TRPV5: variants seen among roughly 807,000 people sequenced by gnomAD.
The protein encoded by TRPV5 is transient receptor potential cation channel subfamily V member 5.
In TRPV5, 66 loss-of-function variants were observed where a neutral mutation model predicts 74.1. That is an observed-to-expected ratio of 0.89 (90% confidence interval 0.73 to 1.09). The LOEUF (loss-of-function observed/expected upper bound fraction) is 1.09. Ranked by LOEUF, TRPV5 falls within the 50% of genes least tolerant of loss-of-function variation. The pLI is 0.00. For synonymous variants in TRPV5, 399 were observed against 360.7 expected, an observed-to-expected ratio of 1.11 and a Z score of -1.20; for missense variants, 936 against 930.4, an observed-to-expected ratio of 1.01 and a Z score of -0.08.
At chr7:142,911,630 C>T (rs952136736) in intron 13 of TRPV5, among the ~76,000 whole-genome samples, 5 of 152,156 alleles carry the variant, frequency 3.3e-5, no homozygotes, top group African/African-American at 1.2e-4. Flanking sequence ...TCACTTCATG[C>T]CCGTCTTTCC....
intron 7 of TRPV5, among the ~76,000 whole-genome samples, 159 bp downstream of exon 7, chr7:142,927,929 T>C (rs904801027): frequency 1.3e-5 from 2 of 148,488 alleles, no homozygotes; most frequent in South Asian, 4.3e-4. Context: ...GAGAGGAGTG[T>C]GCATTGGACT....
At chr7:142,924,630 T>C (rs1335832203) in intron 8 of TRPV5, among the ~76,000 whole-genome samples, 1 of 152,016 alleles carries the variant, frequency 6.6e-6, no homozygotes, top group Non-Finnish European at 1.5e-5. Context: ...TGCTCTCTCC[T>C]GCATTGAGAT....
chr7:142,931,710 TA>T (rs1168232489), intron 1 of TRPV5, among the ~76,000 whole-genome samples: 4 of 152,192 alleles, frequency 2.6e-5, no homozygotes, highest in Non-Finnish European at 5.9e-5. Flanking sequence ...TTTATTTATT[TA>T]TTTTTTTTGA....
At chr7:142,908,906 G>T in intron 14 of TRPV5, 98 bp from the exon 15 acceptor site, 1 of 1,232,834 alleles carries the variant, frequency 8.1e-7, no homozygotes, top group Non-Finnish European at 1.1e-6. Flanking sequence ...CAAGAGGGAA[G>T]CAGAAATAAG....
intron 14 of TRPV5, 130 bp downstream of exon 14, chr7:142,909,360 T>C (rs1370897070): frequency 1.1e-6 from 1 of 901,672 alleles, no homozygotes; most frequent in Non-Finnish European, 1.7e-6. Flanking sequence ...GCATTCTTCG[T>C]ACCCCTCCAC....
In TRPV5 at chr7:142,926,648, G is replaced by C. The variant is rs565006640; in HGVS notation, c.910-907C>G. ...CTGAAGGTAGTGAAGGATGTGAAAG[G>C]GGGCTAGAAAGGAAGATTTATGGAG... On this transcript the variant is annotated intron_variant, in intron 7 of 14. Transcript: ENST00000265310. Among the ~76,000 whole-genome samples, 255 of 152,220 alleles carry C rather than the reference G, an allele frequency of 1.7e-3. 2 individuals are homozygous for C. The highest frequency in any genetic ancestry group is 5.7e-3 in the African/African-American group (237 of 41,514).
chr7:142,929,925 A>C, intron 3 of TRPV5, 133 bp downstream of exon 3: 3 of 1,407,426 alleles, frequency 2.1e-6, no homozygotes, highest in Non-Finnish European at 2.9e-6. Context: ...CATTTCTCCC[A>C]ACTCAACGGA....
At chr7:142,929,945 C>G in intron 3 of TRPV5, 113 bp downstream of exon 3, 1 of 1,530,084 alleles carries the variant, frequency 6.5e-7, no homozygotes, top group Non-Finnish European at 8.9e-7. Context: ...AGCCCATCCT[C>G]CTGACCCTCC....
chr7:142,912,814 T>C, intron 12 of TRPV5, 64 bp from the exon 13 acceptor site: 1 of 1,542,636 alleles, frequency 6.5e-7, no homozygotes, highest in Non-Finnish European at 8.8e-7. Flanking sequence ...AGCATGGACA[T>C]GGTTAGCACT....
Position 142,933,730 on chromosome 7 carries a change from G to A in TRPV5, c.-271C>T, listed in dbSNP as rs4252368. ...TTGTGAGGTGGTGTGTGTGCATGCAGGTGCGCTGAGGGGACTGACCGCCCT... is the reference window on the plus strand; with the variant it reads ...TTGTGAGGTGGTGTGTGTGCATGCAAGTGCGCTGAGGGGACTGACCGCCCT... On this transcript the variant is annotated 5_prime_UTR_variant, in exon 1 of 15. Coordinates refer to ENST00000265310, the MANE Select transcript of TRPV5 (RefSeq NM_019841.7). 2,273 of 424,338 alleles carry A rather than the reference G, an allele frequency of 5.4e-3. 49 individuals carry two copies. Among genetic ancestry groups the A allele is most frequent in the African/African-American group, 0.042 (2,060 of 48,704 alleles). 26.3% of individuals were successfully genotyped at this position (424,338 alleles called of 1,614,324 possible).
At chr7:142,930,282 C>G (rs1037906484) in intron 2 of TRPV5, 67 bp downstream of exon 2, 63 of 1,610,312 alleles carry the variant, frequency 3.9e-5, no homozygotes, top group Non-Finnish European at 5.3e-5. Context: ...TTCACAAACT[C>G]GAAGTCTTGG....
At position 142,909,572 on chromosome 7, in the gene TRPV5, C is replaced by T. The variant is rs1366214759; in HGVS notation, c.1813G>A (p.Glu605Lys). The T allele has an allele frequency of 1.2e-6, 2 of 1,613,932 alleles. No homozygotes were observed. The change falls in exon 14 of 15, where the codon GAG becomes AAG. Residue 605 changes from glutamate (E) to lysine (K), a missense_variant. Coordinates refer to ENST00000265310, the MANE Select transcript of TRPV5 (RefSeq NM_019841.7). ...CACAGGCAGCGAGGCAGCTTCCGCT[C>T]CAGCATCACTGTGGTGGCCACGACC... The part of the protein sequence containing the change: ...AQVVATTVML[E>K]RKLPRCLWPR...
chr7:142,922,642 C>A (rs1204545330), intron 8 of TRPV5, among the ~76,000 whole-genome samples: 1 of 152,176 alleles, frequency 6.6e-6, no homozygotes, highest in Admixed American at 6.5e-5. Context: ...ACAGATCTGG[C>A]AGGAAGTAGG....
In TRPV5 at chr7:142,928,246, C is replaced by T; in HGVS notation, c.763-12G>A. 4 of 1,614,078 alleles carry T rather than the reference C, an allele frequency of 2.5e-6. No individual in the cohort carries two copies. The highest frequency in any genetic ancestry group is 3.4e-6 in the Non-Finnish European group (4 of 1,179,994). On this transcript the variant is annotated splice_polypyrimidine_tract_variant and intron_variant, in intron 6 of 14. Coordinates refer to ENST00000265310, the MANE Select transcript of TRPV5 (RefSeq NM_019841.7). Reference sequence around the variant, plus strand: ...AGGTGCTGGAACATCTGAGAGACCACCAGGATGAGTCAGGGGGCCAACGTG... The same window carrying T: ...AGGTGCTGGAACATCTGAGAGACCATCAGGATGAGTCAGGGGGCCAACGTG...
Position 142,913,315 on chromosome 7 carries a change from A to G in TRPV5, c.1520-565T>C, listed in dbSNP as rs919488530. On this transcript the variant is annotated intron_variant, in intron 12 of 14. Transcript: ENST00000265310. ...GAGCCTACTGGATAGCAGTGAGCGT[A>G]AGGGAACTTCAGGACAGCGCTGGAC... Among the ~76,000 whole-genome samples the G allele has an allele frequency of 5.3e-5, 8 of 152,234 alleles. No homozygotes were observed. In the East Asian group the frequency reaches 1.5e-3, roughly 29 times the overall value.
intron 7 of TRPV5, among the ~76,000 whole-genome samples, 178 bp from the exon 8 acceptor site, chr7:142,925,919 T>C (rs1294565625): frequency 6.6e-6 from 1 of 152,152 alleles, no homozygotes; most frequent in African/African-American, 2.4e-5. Context: ...GTGATACAGG[T>C]AAATGACTAT....
rs116515131 is a variant in TRPV5 at position 142,919,075 on chromosome 7, C to T, written c.1123-3507G>A. 3.7e-3 allele frequency among the ~76,000 whole-genome samples: 570 copies of T among 152,316 alleles called. 3 individuals are homozygous for T. Among genetic ancestry groups the T allele is most frequent in the African/African-American group, 0.013 (554 of 41,572 alleles). On this transcript the variant is annotated intron_variant, in intron 8 of 14. Transcript: ENST00000265310. ...CTTCCTCCACCATGTTGACCTGGCT[C>T]ACCCTCACCGATGCCTCAAGACTCA...
chr7:142,929,605 C>T, intron 3 of TRPV5, 40 bp from the exon 4 acceptor site: 2 of 1,602,706 alleles, frequency 1.2e-6, no homozygotes, highest in South Asian at 2.2e-5. Flanking sequence ...TCCCTCTGTC[C>T]CCAGTTCTCT....
At chr7:142,923,422 A>G (rs374944800) in intron 8 of TRPV5, among the ~76,000 whole-genome samples, 7 of 152,362 alleles carry the variant, frequency 4.6e-5, no homozygotes, top group Admixed American at 2.6e-4. Flanking sequence ...AAATGGGCTT[A>G]CTACTGAATA....
Sources: gnomAD v4.1 joint callset for allele counts (sites outside exome capture counted in the v4.1 genomes callset) on GRCh38, gnomAD v4.1.1 for gene constraint, MANE v1.5 for transcripts, NCBI Gene and HGNC (gene_info 2026-07-23, HGNC 2026-07-21) for gene names.